TUBGCP6: variants seen among roughly 807,000 people sequenced by gnomAD.
The protein encoded by TUBGCP6 is tubulin gamma complex component 6, also known as gamma-tubulin complex component 6.
A neutral mutation model predicts 175.8 loss-of-function variants in TUBGCP6; 161 were observed. That is an observed-to-expected ratio of 0.92 (90% CI 0.81 to 1.04). TUBGCP6 has a LOEUF of 1.04. Ranked by LOEUF, TUBGCP6 falls within the 50% of genes least tolerant of loss-of-function variation. TUBGCP6 has a pLI of 0.00. For missense variants in TUBGCP6, 2,572 were observed against 2,433.0 expected (o/e 1.06, Z -1.20); for synonymous variants, 1,173 against 1,030.5 (o/e 1.14, Z -2.65).
Position 50,240,292 on chromosome 22 carries a change from C to A in TUBGCP6, c.817G>T (p.Glu273Ter). 1 of 1,614,062 alleles carries A rather than the reference C, an allele frequency of 6.2e-7. No homozygotes were observed. Among genetic ancestry groups the A allele is most frequent in the Non-Finnish European group, 8.5e-7 (1 of 1,180,032 alleles). ...TCCACGTCTGGGGTCACGCTGGGCTCAGACTGGGAATCAGGAGTCAAGTTG... is the reference window on the plus strand; with the variant it reads ...TCCACGTCTGGGGTCACGCTGGGCTAAGACTGGGAATCAGGAGTCAAGTTG... ...ASNLTPDSQS[E>*]PSVTPDVDLW... is the part of the protein sequence containing the mutation. The change falls in exon 2 of 25, where the codon GAG becomes TAG. Residue 273 changes from glutamate (E) to a stop codon, truncating the protein, a stop_gained. Transcript: ENST00000248846. LOFTEE classifies it high-confidence loss of function.
At chr22:50,224,290 A>C in intron 12 of TUBGCP6, 34 bp from the exon 13 acceptor site, 1 of 1,614,160 alleles carries the variant, frequency 6.2e-7, no homozygotes, top group Non-Finnish European at 8.5e-7. Context: ...CTGTGAAATC[A>C]GAACTGACAG....
At chr22:50,242,521 C>T (rs1334109089) in intron 1 of TUBGCP6, among the ~76,000 whole-genome samples, 1 of 152,122 alleles carries the variant, frequency 6.6e-6, no homozygotes, top group Non-Finnish European at 1.5e-5. Context: ...AACTGCTGTA[C>T]ACCAAGACAT....
chr22:50,224,545 C>T lies in TUBGCP6; in HGVS notation c.2031G>A (p.Arg677=). The change falls in exon 11 of 25, where the codon CGG becomes CGA. Residue 677 remains arginine (R), a synonymous_variant. Coordinates refer to ENST00000248846, the MANE Select transcript of TUBGCP6 (RefSeq NM_020461.4). The stretch of plus-strand genomic sequence containing the variant: ...CACTCAGGACCCTGGATGCTGCTTC[C>T]CGGGCATGAGCGATTAATTCTTGTT... ...IAKQELIAHA[R]EAASRVLSAL... is the part of the protein sequence containing the mutation. 6.2e-7 allele frequency: 1 copy of T among 1,614,156 alleles called. No individual in the cohort carries two copies. The highest frequency in any genetic ancestry group is 8.5e-7 in the Non-Finnish European group (1 of 1,180,016).
At chr22:50,222,237 G>T in intron 14 of TUBGCP6, 135 bp from the exon 15 acceptor site, 1 of 1,171,554 alleles carries the variant, frequency 8.5e-7, no homozygotes, top group Non-Finnish European at 1.2e-6. Flanking sequence ...GGCTCCAGTG[G>T]GACGCTGGGC....
In TUBGCP6 at chr22:50,222,036, G is replaced by C. The variant is rs1370468948; in HGVS notation, c.2476C>G (p.His826Asp). The stretch of plus-strand genomic sequence containing the variant: ...TCCACTCTGCCGCTTACCTGGGGGT[G>C]CACGCTCAAGAGGACGTCTGGCGGC... Reference protein sequence around the residue: ...QEPPDVLLSVHPQVTSPGPEH... With the variant: ...QEPPDVLLSVDPQVTSPGPEH... Residue 826 changes from histidine (H) to aspartate (D), a missense_variant, in exon 15 of 25, where the codon CAC becomes GAC. By Grantham distance (81) the His-to-Asp change is moderately conservative. Transcript: ENST00000248846. 2 of 1,613,856 alleles carry C rather than the reference G, an allele frequency of 1.2e-6. No homozygotes were observed. Among genetic ancestry groups the C allele is most frequent in the Admixed American group, 3.3e-5 (2 of 60,018 alleles).
rs1376110582 is a variant in TUBGCP6, at chr22:50,218,477, C to A, written c.4954+11G>T. The A allele has an allele frequency of 6.2e-7, 1 of 1,613,156 alleles. No homozygotes were observed. Among genetic ancestry groups the A allele is most frequent in the East Asian group, 2.2e-5 (1 of 44,812 alleles). On this transcript the variant is annotated intron_variant, in intron 22 of 24. Coordinates refer to ENST00000248846, the MANE Select transcript of TUBGCP6 (RefSeq NM_020461.4). ...AGGGGTGCGGGGCGCCGGGCTCCAG[C>A]GGGGCCTCACCTGTGCGCTTGAGGT...
At chr22:50,220,069 T>TAC in intron 16 of TUBGCP6, 54 bp from the exon 17 acceptor site, 1 of 1,584,052 alleles carries the variant, frequency 6.3e-7, no homozygotes, top group Non-Finnish European at 8.6e-7. Flanking sequence ...CTGTGGCGGG[T>TAC]ACAGAGCCGA....
chr22:50,227,178 G>T, intron 5 of TUBGCP6, 101 bp from the exon 6 acceptor site: 1 of 1,092,284 alleles, frequency 9.2e-7, no homozygotes, highest in Non-Finnish European at 1.3e-6. Context: ...TGCTCCCTGG[G>T]GCAACTAACT....
Position 50,221,478 on chromosome 22 carries a change from C to T in TUBGCP6, c.2881G>A (p.Val961Met), listed in dbSNP as rs754037830. 9 of 1,589,030 alleles carry T rather than the reference C, an allele frequency of 5.7e-6. No homozygotes were observed. The African/African-American group carries it at 1.1e-4, about 19-fold the overall frequency. The change falls in exon 16 of 25, where the codon GTG becomes ATG. Residue 961 changes from valine (V) to methionine (M), a missense_variant. Coordinates refer to ENST00000248846, the MANE Select transcript of TUBGCP6 (RefSeq NM_020461.4). Reference sequence around the variant, plus strand: ...GGCCCTGGTGCAGGTGAGGTGGCCACAGCTGGCCTCAGGACAGTACTAAAG... The same window carrying T: ...GGCCCTGGTGCAGGTGAGGTGGCCATAGCTGGCCTCAGGACAGTACTAAAG... Reference protein sequence around the residue: ...YDFSTVLRPAVATSPAPGPLQ... With the variant: ...YDFSTVLRPAMATSPAPGPLQ...
chr22:50,230,955 G>A (rs936880537), intron 3 of TUBGCP6, among the ~76,000 whole-genome samples: 23 of 147,446 alleles, frequency 1.6e-4, no homozygotes, highest in South Asian at 2.2e-4. Flanking sequence ...GGTAGTGCAC[G>A]CCTATAATCC....
At position 50,222,912 on chromosome 22, in the gene TUBGCP6, C is replaced by G. The variant is rs576817016; in HGVS notation, c.2271-320G>C. 7.2e-5 allele frequency: 22 copies of G among 307,212 alleles called. No individual in the cohort carries two copies. The East Asian group carries it at 1.2e-3, about 16-fold the overall frequency. The allele number at this position is 307,212 out of a possible 1,614,324, so 19.0% of individuals were successfully genotyped here. ...TGAGCAGGAGGCCGAGGGCCCCAGG[C>G]CTCTAAGAAGTTAGGCCTCTTCCCC... On this transcript the variant is annotated intron_variant, in intron 13 of 24. Coordinates refer to ENST00000248846, the MANE Select transcript of TUBGCP6 (RefSeq NM_020461.4).
intron 9 of TUBGCP6, 45 bp downstream of exon 9, chr22:50,226,004 AG>A: frequency 1.2e-6 from 2 of 1,613,308 alleles, no homozygotes; most frequent in Non-Finnish European, 1.7e-6. Flanking sequence ...ACTCAGCCCC[AG>A]GGAAGACCGG....
At chr22:50,231,334 G>A (rs369886873) in intron 3 of TUBGCP6, among the ~76,000 whole-genome samples, 7 of 147,586 alleles carry the variant, frequency 4.7e-5, no homozygotes, top group East Asian at 2.1e-4. Context: ...CATGCCTGTA[G>A]TCCCAGCTAC....
intron 1 of TUBGCP6, among the ~76,000 whole-genome samples, chr22:50,241,978 C>T (rs1478575735): frequency 1.9e-5 from 2 of 107,482 alleles, no homozygotes; most frequent in African/African-American, 8.5e-5. Flanking sequence ...CACAAGACTC[C>T]ATCTCAAAAA....
chr22:50,219,628 C>G lies in TUBGCP6; in HGVS notation c.4315+16G>C. ...CCAGCCCAGGGCTCCCTGCCAACAG[C>G]AACTGCTGCACTCACACATGGACTC... On this transcript the variant is annotated intron_variant, in intron 18 of 24. Transcript: ENST00000248846. 6.2e-7 allele frequency: 1 copy of G among 1,610,680 alleles called. No individual in the cohort carries two copies. Among genetic ancestry groups the G allele is most frequent in the Non-Finnish European group, 8.5e-7 (1 of 1,177,748 alleles).
intron 11 of TUBGCP6, 39 bp downstream of exon 11, chr22:50,224,472 C>T (rs1343584135): frequency 6.2e-7 from 1 of 1,614,018 alleles, no homozygotes; most frequent in African/African-American, 1.3e-5. Flanking sequence ...CCAGCAAGGC[C>T]CCCCGGAACT....
chr22:50,234,717 C>T (rs973868308), intron 2 of TUBGCP6, among the ~76,000 whole-genome samples: 13 of 139,798 alleles, frequency 9.3e-5, no homozygotes, highest in African/African-American at 3.2e-4. Flanking sequence ...TCCACACCCC[C>T]TGTCCACGGC....
In TUBGCP6 at chr22:50,226,116, C is replaced by T; in HGVS notation, c.1767G>A (p.Lys589=). 1 of 1,614,194 alleles carries T rather than the reference C, an allele frequency of 6.2e-7. No homozygotes were observed. Among genetic ancestry groups the T allele is most frequent in the Non-Finnish European group, 8.5e-7 (1 of 1,180,034 alleles). Reference sequence around the variant, plus strand: ...AGACGTATATGTCGTGGGCAATGTGCTTCAGAAACACGGGAACACAGTCCT... The same window carrying T: ...AGACGTATATGTCGTGGGCAATGTGTTTCAGAAACACGGGAACACAGTCCT... The part of the protein sequence containing the change: ...EVEDCVPVFL[K]HIAHDIYVCG... The change falls in exon 9 of 25, where the codon AAG becomes AAA. Residue 589 remains lysine (K), a synonymous_variant. Transcript: ENST00000248846.
In TUBGCP6 at chr22:50,243,700, G is replaced by GA; in HGVS notation, c.741+18dup. ...CCAAACCCCGAGAGAGATGAAAGAG[G>GA]AAAAACTAAACATTCTACCTTAATA... On this transcript the variant is annotated intron_variant, in intron 1 of 24. Transcript: ENST00000248846. 6.3e-7 allele frequency: 1 copy of GA among 1,581,384 alleles called. No homozygotes were observed. The highest frequency in any genetic ancestry group is 8.6e-7 in the Non-Finnish European group (1 of 1,160,634).
Sources: allele counts gnomAD v4.1 joint callset (sites outside exome capture counted in the v4.1 genomes callset), GRCh38; gene constraint gnomAD v4.1.1; transcripts MANE v1.5; gene names NCBI Gene and HGNC (gene_info 2026-07-23, HGNC 2026-07-21).